Variants in SNTB1 observed in about 807,000 individuals in gnomAD.
SNTB1 encodes syntrophin beta 1.
Under a neutral mutation model 48.9 loss-of-function variants are expected in SNTB1, and 36 were observed. The ratio of observed to expected loss-of-function variants is 0.74; its 90% CI spans 0.56 to 0.97. SNTB1 has a LOEUF of 0.97. Ranked by LOEUF, SNTB1 falls within the 50% of genes least tolerant of loss-of-function variation. The probability of loss-of-function intolerance (pLI) is 0.00; values close to 1 mark genes in which losing one functional copy is unlikely to be tolerated. For synonymous variants in SNTB1, 299 were observed against 294.6 expected (o/e 1.01, Z -0.15); for missense variants, 786 against 703.4 (o/e 1.12, Z -1.33).
intron 5 of SNTB1, among the ~76,000 whole-genome samples, chr8:120,547,046 G>A (rs1001107672): frequency 6.6e-6 from 1 of 152,144 alleles, no homozygotes; most frequent in Non-Finnish European, 1.5e-5. Flanking sequence ...TCATTTATTA[G>A]TTGTGTGATC....
chr8:120,633,965 C>A (rs973274810), intron 2 of SNTB1, among the ~76,000 whole-genome samples: 3 of 151,520 alleles, frequency 2.0e-5, no homozygotes, highest in Non-Finnish European at 2.9e-5. Context: ...TTGTATAAAC[C>A]CCACTGCAAT....
chr8:120,606,284 TATA>T lies in SNTB1; in HGVS notation c.996+26157_996+26159del, dbSNP rs1207506691. On this transcript the variant is annotated intron_variant, in intron 3 of 6. Transcript: ENST00000517992. ...TTTATAACATAATTATATAATTATA[TATA>T]ATAATGGTAAAGTATATATAATACT... 2.7e-5 allele frequency among the ~76,000 whole-genome samples: 4 copies of T among 147,612 alleles called. No individual in the cohort carries two copies. In the South Asian group the frequency reaches 6.3e-4, roughly 23 times the overall value.
At chr8:120,567,417 T>C (rs1159299553) in intron 4 of SNTB1, among the ~76,000 whole-genome samples, 1 of 2,718 alleles carries the variant, frequency 3.7e-4, no homozygotes, top group East Asian at 5.0e-3. Context: ...GTTGAGCTCC[T>C]TTTTTTTTTT....
intron 1 of SNTB1, among the ~76,000 whole-genome samples, chr8:120,725,458 T>G (rs1260266380): frequency 6.6e-6 from 1 of 152,208 alleles, no homozygotes; most frequent in Non-Finnish European, 1.5e-5. Context: ...AACCCAAACT[T>G]TGAGTAATTT....
At position 120,755,145 on chromosome 8, in the gene SNTB1, TGTG is replaced by T. The variant is rs545935434; in HGVS notation, c.571+56125_571+56127del. Among the ~76,000 whole-genome samples the T allele has an allele frequency of 1.1e-3, 156 of 146,760 alleles. 1 individual carries two copies. The highest frequency in any genetic ancestry group is 1.2e-3 in the Non-Finnish European group (78 of 65,872). On this transcript the variant is annotated intron_variant, in intron 1 of 6. Coordinates refer to ENST00000517992, the MANE Select transcript of SNTB1 (RefSeq NM_021021.4). ...GAGTCTAAGCTATGCTGTGGTGTTGTGTGTGTGTGTGTGTGTGTGTGTGTGTGA... is the reference window on the plus strand; with the variant it reads ...GAGTCTAAGCTATGCTGTGGTGTTGTTGTGTGTGTGTGTGTGTGTGTGTGA...
chr8:120,703,738 C>T (rs1818341083), intron 1 of SNTB1, among the ~76,000 whole-genome samples: 1 of 152,212 alleles, frequency 6.6e-6, no homozygotes, highest in Non-Finnish European at 1.5e-5. Context: ...AACAACACTT[C>T]ATTCACAAAA....
At chr8:120,761,852 T>C (rs949949316) in intron 1 of SNTB1, among the ~76,000 whole-genome samples, 2 of 152,218 alleles carry the variant, frequency 1.3e-5, no homozygotes, top group Non-Finnish European at 1.5e-5. Context: ...TTAATAGAAG[T>C]ATTTCTTTTT....
chr8:120,605,632 C>A (rs927998890), intron 3 of SNTB1, among the ~76,000 whole-genome samples: 1 of 152,094 alleles, frequency 6.6e-6, no homozygotes, highest in Admixed American at 6.5e-5. Context: ...ATGAAGATGA[C>A]ATATGTCTCA....
intron 1 of SNTB1, among the ~76,000 whole-genome samples, chr8:120,750,965 C>T (rs1426624157): frequency 6.6e-6 from 1 of 152,020 alleles, no homozygotes; most frequent in Non-Finnish European, 1.5e-5. Flanking sequence ...AATCAGCCTG[C>T]TACTTAACTA....
intron 3 of SNTB1, among the ~76,000 whole-genome samples, chr8:120,619,912 G>A (rs980826258): frequency 1.3e-5 from 2 of 152,180 alleles, no homozygotes; most frequent in African/African-American, 2.4e-5. Flanking sequence ...AAACGATGGT[G>A]TTGATGGAAG....
At chr8:120,766,839 C>T (rs1486160175) in intron 1 of SNTB1, among the ~76,000 whole-genome samples, 1 of 152,142 alleles carries the variant, frequency 6.6e-6, no homozygotes, top group African/African-American at 2.4e-5. Flanking sequence ...CATTGGGGTT[C>T]ATTGCTGTTG....
chr8:120,674,489 A>C (rs779034769), intron 2 of SNTB1, among the ~76,000 whole-genome samples: 1 of 152,220 alleles, frequency 6.6e-6, no homozygotes, highest in Non-Finnish European at 1.5e-5. Context: ...TAACAGATAT[A>C]AGGAGTTGAG....
chr8:120,622,258 T>C (rs1384166930), intron 3 of SNTB1, among the ~76,000 whole-genome samples: 2 of 152,200 alleles, frequency 1.3e-5, no homozygotes, highest in Non-Finnish European at 2.9e-5. Flanking sequence ...GCAGCCCATA[T>C]GTAGATATGG....
intron 2 of SNTB1, among the ~76,000 whole-genome samples, chr8:120,681,577 C>T (rs1364933993): frequency 6.6e-6 from 1 of 151,850 alleles, no homozygotes; most frequent in East Asian, 1.9e-4. Flanking sequence ...ACTCTCAGAA[C>T]AGTGGAAAGT....
At chr8:120,607,997 G>C (rs1429875151) in intron 3 of SNTB1, among the ~76,000 whole-genome samples, 1 of 152,180 alleles carries the variant, frequency 6.6e-6, no homozygotes, top group East Asian at 1.9e-4. Flanking sequence ...GCCTCGTGAG[G>C]GTCTGGGGTT....
In SNTB1 at chr8:120,571,422, A is replaced by G. The variant is rs186109724; in HGVS notation, c.1136+3664T>C. The stretch of plus-strand genomic sequence containing the variant: ...TTGGGCCGAATTCTCATGGACCCCA[A>G]GGCACAGCCTGAGTCTTTGTGTGCA... On this transcript the variant is annotated intron_variant, in intron 4 of 6. Transcript: ENST00000517992. The G allele has an allele frequency of 1.7e-5, 16 of 951,144 alleles. No individual in the cohort carries two copies. The Admixed American group carries it at 3.5e-4, about 21-fold the overall frequency. 58.9% of individuals were successfully genotyped at this position (951,144 alleles called of 1,614,324 possible).
At chr8:120,705,207 A>C (rs1818362417) in intron 1 of SNTB1, among the ~76,000 whole-genome samples, 1 of 152,234 alleles carries the variant, frequency 6.6e-6, no homozygotes, top group Admixed American at 6.5e-5. Flanking sequence ...CCTGGGGTCC[A>C]ATTCCAAGCT....
chr8:120,811,589 CG>C lies in SNTB1; in HGVS notation c.254del (p.Pro85ArgfsTer29), dbSNP rs1449024992. 1 of 1,564,350 alleles carries C rather than the reference CG, an allele frequency of 6.4e-7. No individual in the cohort carries two copies. The highest frequency in any genetic ancestry group is 1.9e-5 in the Admixed American group (1 of 51,786). On this transcript the variant is annotated frameshift_variant, in exon 1 of 7. Transcript: ENST00000517992. LOFTEE classifies it high-confidence loss of function. ...CGGTGCGGACCCCGGCGGGCGAGTC[CG>C]GGGGCTGCGCGCCGCCCGCGCCCGG... is the stretch of plus-strand genomic sequence containing the variant. ...GHPGAGGAQPPDSPAGVRTAF... is the reference protein window; with the variant it reads ...GHPGAGGAQPXDSPAGVRTAF...
At chr8:120,765,726 C>T (rs1190121040) in intron 1 of SNTB1, 2 of 152,220 alleles carry the variant, frequency 1.3e-5, no homozygotes, top group Non-Finnish European at 2.9e-5. Flanking sequence ...CCTCCCAACA[C>T]TGTTGCACTG....
Sources: gnomAD v4.1 joint callset for allele counts (sites outside exome capture counted in the v4.1 genomes callset) on GRCh38, gnomAD v4.1.1 for gene constraint, MANE v1.5 for transcripts, NCBI Gene and HGNC (gene_info 2026-07-23, HGNC 2026-07-21) for gene names.